Variants in COL4A4 observed in about 807,000 individuals in gnomAD.
COL4A4 encodes collagen type IV alpha 4 chain.
COL4A4 carries 105 observed loss-of-function variants against 192.9 expected under a neutral mutation model. The ratio of observed to expected loss-of-function variants is 0.54; its 90% CI spans 0.46 to 0.64. The LOEUF (loss-of-function observed/expected upper bound fraction) is 0.64, where lower values mean the gene tolerates loss of function less well. COL4A4 is among the 30% of genes least tolerant of loss of function. COL4A4 has a pLI of 0.00. For missense variants in COL4A4, 1,967 were observed against 2,169.3 expected, an observed-to-expected ratio of 0.91 and a Z score of 1.85; for synonymous variants, 762 against 769.9, an observed-to-expected ratio of 0.99 and a Z score of 0.17.
At chr2:227,041,111 A>ATTG (rs1970728162) in intron 37 of COL4A4, among the ~76,000 whole-genome samples, 1 of 152,058 alleles carries the variant, frequency 6.6e-6, no homozygotes, top group African/African-American at 2.4e-5. Flanking sequence ...GTAGCACCTT[A>ATTG]TTGTTTTCTC....
At chr2:227,024,207 CAT>C (rs1175404556) in intron 43 of COL4A4, among the ~76,000 whole-genome samples, 5 of 152,054 alleles carry the variant, frequency 3.3e-5, no homozygotes. Context: ...AGAAATGAAA[CAT>C]ATTTTAAAAG....
the COL4A4 span, chr2:226,988,513 G>T: frequency 4.4e-5 from 67 of 1,517,572 alleles, no homozygotes; most frequent in African/African-American, 7.8e-4. Flanking sequence ...TTGCGAGGTG[G>T]ATAGCAGCTG....
intron 9 of COL4A4, among the ~76,000 whole-genome samples, chr2:227,111,121 A>G (rs1168618650): frequency 6.6e-6 from 1 of 152,266 alleles, no homozygotes; most frequent in Non-Finnish European, 1.5e-5. Context: ...CAAAAATATC[A>G]TAACACAAAG....
Position 227,047,372 on chromosome 2 carries a change from G to T in COL4A4, c.3289+103C>A, listed in dbSNP as rs560644457. 2.1e-5 allele frequency: 17 copies of T among 822,668 alleles called. 1 individual carries two copies. The South Asian group carries it at 2.2e-4, about 10-fold the overall frequency. The allele number at this position is 822,668 out of a possible 1,614,324, so 51.0% of individuals were successfully genotyped here. On this transcript the variant is annotated intron_variant, in intron 35 of 47. Coordinates refer to ENST00000396625, the MANE Select transcript of COL4A4 (RefSeq NM_000092.5). ...TTATCTATACCTTAATGCACAAAGG[G>T]GTAAGAAAATATTGATACGATCATT... is the stretch of plus-strand genomic sequence containing the variant.
intron 3 of COL4A4, among the ~76,000 whole-genome samples, chr2:227,140,826 G>T (rs940175148): frequency 6.7e-6 from 1 of 149,094 alleles, no homozygotes; most frequent in African/African-American, 2.5e-5. Context: ...TGAATAATTT[G>T]GACCTTTTCC....
chr2:227,018,853 C>T (rs1965442862), intron 44 of COL4A4, among the ~76,000 whole-genome samples: 1 of 152,142 alleles, frequency 6.6e-6, no homozygotes, highest in Non-Finnish European at 1.5e-5. Context: ...AGATTACAGG[C>T]AAGCACACCT....
At chr2:227,063,104 C>T (rs1310757616) in intron 25 of COL4A4, among the ~76,000 whole-genome samples, 1 of 152,108 alleles carries the variant, frequency 6.6e-6, no homozygotes, top group Non-Finnish European at 1.5e-5. Context: ...TGAATAGCTA[C>T]CACTTATTGA....
At chr2:226,985,247 T>C in the COL4A4 span, among the ~76,000 whole-genome samples, 2 of 152,214 alleles carry the variant, frequency 1.3e-5, no homozygotes, top group African/African-American at 2.4e-5. Flanking sequence ...TTCATATCCA[T>C]ATCTGTATCT....
chr2:227,154,855 A>G (rs2064216151), intron 1 of COL4A4, among the ~76,000 whole-genome samples: 1 of 152,190 alleles, frequency 6.6e-6, no homozygotes, highest in Admixed American at 6.5e-5. Context: ...GTTCAGAGTC[A>G]ACCTAACCAT....
chr2:227,120,895 CA>C (rs2061741201), intron 5 of COL4A4, 118 bp downstream of exon 5: 1 of 1,335,648 alleles, frequency 7.5e-7, no homozygotes, highest in Non-Finnish European at 1.1e-6. Flanking sequence ...GCTGAGATCC[CA>C]CCACTGCATT....
At chr2:227,041,820 GAAAGAAAGAAAGAAAGAA>G (rs1473889559) in intron 37 of COL4A4, among the ~76,000 whole-genome samples, 1 of 37,708 alleles carries the variant, frequency 2.7e-5, no homozygotes, top group South Asian at 1.3e-3. Context: ...AAGAAAGAAA[GAAAGAAAGAAAGAAAGAA>G]AGAAAGAAAG....
In COL4A4 at chr2:227,103,187, C is replaced by G. The variant is rs202242354; in HGVS notation, c.827G>C (p.Gly276Ala). ...TGGCAGTCCAACCATTCCAGGAATT[C>G]CTTTTATACCCTAAAAATTACAATG... ...CLYKGEKGIK[G>A]IPGMVGLPGP... is the part of the protein sequence containing the mutation. Residue 276 changes from glycine to alanine, a missense_variant, in exon 14 of 48, where the codon GGA becomes GCA. Coordinates refer to ENST00000396625, the MANE Select transcript of COL4A4 (RefSeq NM_000092.5). The G allele has an allele frequency of 2.3e-5, 37 of 1,611,918 alleles. No homozygotes were observed. The East Asian group carries it at 8.3e-4, about 36-fold the overall frequency.
chr2:226,991,020 A>G, the COL4A4 span, among the ~76,000 whole-genome samples: 3 of 152,232 alleles, frequency 2.0e-5, no homozygotes, highest in African/African-American at 7.2e-5. Flanking sequence ...TCATGTGACA[A>G]AAGCGTGCTG....
chr2:227,077,252 A>G (rs189315511), intron 25 of COL4A4, among the ~76,000 whole-genome samples: 18 of 152,332 alleles, frequency 1.2e-4, no homozygotes, highest in African/African-American at 3.4e-4. Flanking sequence ...ATGCCCATCA[A>G]TGATAGACTG....
At chr2:227,093,290 T>TAAACAAAACAAAACA (rs367690088) in intron 20 of COL4A4, among the ~76,000 whole-genome samples, 52 of 151,932 alleles carry the variant, frequency 3.4e-4, no homozygotes, top group African/African-American at 1.3e-3. Context: ...AGCCACCAGG[T>TAAACAAAACAAAACA]AAACAAAACA....
At chr2:227,021,980 A>G in intron 44 of COL4A4, 68 bp downstream of exon 44, 1 of 1,556,108 alleles carries the variant, frequency 6.4e-7, no homozygotes, top group Non-Finnish European at 8.8e-7. Context: ...GCTACAAAAT[A>G]AAAGATCTAG....
At chr2:227,100,356 ATAT>A (rs1157771746) in intron 17 of COL4A4, among the ~76,000 whole-genome samples, 2 of 124,172 alleles carry the variant, frequency 1.6e-5, no homozygotes, top group Admixed American at 1.7e-4. Flanking sequence ...TATGACACTG[ATAT>A]GATAATATGA....
intron 35 of COL4A4, 64 bp from the exon 36 acceptor site, chr2:227,043,248 A>G: frequency 1.5e-6 from 2 of 1,302,556 alleles, no homozygotes; most frequent in South Asian, 2.4e-5. Context: ...AAAATCACCA[A>G]GTTCAGCCCA....
intron 35 of COL4A4, among the ~76,000 whole-genome samples, chr2:227,046,013 A>T (rs866514319): frequency 4.9e-5 from 5 of 102,904 alleles, no homozygotes; most frequent in South Asian, 3.6e-4. Context: ...ATATTTAGAT[A>T]GTATATATGT....
Sources: gnomAD v4.1 joint callset for allele counts (sites outside exome capture counted in the v4.1 genomes callset) on GRCh38, gnomAD v4.1.1 for gene constraint, MANE v1.5 for transcripts, NCBI Gene and HGNC (gene_info 2026-07-23, HGNC 2026-07-21) for gene names.